The following PTPRD variants were observed in gnomAD, a reference collection of about 807,000 sequenced individuals.
PTPRD encodes the protein receptor-type tyrosine-protein phosphatase delta.
A neutral mutation model predicts 214.5 loss-of-function variants in PTPRD; 34 were observed. The ratio of observed to expected loss-of-function variants is 0.16; its 90% CI spans 0.12 to 0.21. The LOEUF is 0.21. Among genes scored for constraint, PTPRD ranks in the 10% least tolerant of loss-of-function variants. The pLI is 1.00. For missense variants in PTPRD, 2,545 were observed against 2,398.7 expected (o/e 1.06, Z -1.27); for synonymous variants, 1,128 against 845.7 (o/e 1.33, Z -5.79).
chr9:10,168,414 A>G (rs139036470), intron 3 of PTPRD, among the ~76,000 whole-genome samples: 7 of 152,310 alleles, frequency 4.6e-5, no homozygotes, highest in African/African-American at 1.7e-4. Context: ...CTGCAGCACA[A>G]TGATGTTTTC....
chr9:9,264,743 A>T (rs931708620), intron 9 of PTPRD, among the ~76,000 whole-genome samples: 3 of 151,666 alleles, frequency 2.0e-5, no homozygotes, highest in African/African-American at 7.3e-5. Context: ...ATTAAAATAA[A>T]ACTGTCAAAA....
intron 14 of PTPRD, among the ~76,000 whole-genome samples, chr9:8,556,021 C>A (rs190591444): frequency 1.3e-4 from 20 of 152,244 alleles, no homozygotes; most frequent in African/African-American, 4.8e-4. Context: ...CTTGGCGGAT[C>A]TGGAAAGAGC....
At chr9:8,563,028 A>T (rs897600677) in intron 14 of PTPRD, among the ~76,000 whole-genome samples, 1 of 152,182 alleles carries the variant, frequency 6.6e-6, no homozygotes, top group Non-Finnish European at 1.5e-5. Context: ...TGATATATCC[A>T]TGTAATGGAA....
intron 5 of PTPRD, among the ~76,000 whole-genome samples, chr9:9,772,358 C>T (rs2098758762): frequency 6.6e-6 from 1 of 152,146 alleles, no homozygotes; most frequent in African/African-American, 2.4e-5. Flanking sequence ...GGGTGTGGTA[C>T]TTTTCTATGG....
intron 2 of PTPRD, among the ~76,000 whole-genome samples, chr9:10,376,023 G>A (rs2097721496): frequency 6.6e-6 from 1 of 151,818 alleles, no homozygotes; most frequent in Non-Finnish European, 1.5e-5. Context: ...TTATTCACAC[G>A]ATATTTTTAT....
chr9:8,736,003 A>C (rs2090266247), intron 11 of PTPRD, among the ~76,000 whole-genome samples: 1 of 152,168 alleles, frequency 6.6e-6, no homozygotes, highest in African/African-American at 2.4e-5. Flanking sequence ...GCCTTTATTC[A>C]GCAAACTACA....
chr9:8,580,461 C>G (rs976619932), intron 14 of PTPRD, among the ~76,000 whole-genome samples: 22 of 152,114 alleles, frequency 1.4e-4, no homozygotes, highest in African/African-American at 5.1e-4. Context: ...TAAATATATG[C>G]TATATATGCT....
chr9:10,196,837 G>T (rs1214758510), intron 3 of PTPRD, among the ~76,000 whole-genome samples: 1 of 127,414 alleles, frequency 7.8e-6, no homozygotes, highest in African/African-American at 3.3e-5. Flanking sequence ...GAAGTGATTA[G>T]GCCACATGGG....
chr9:8,878,447 A>G (rs1247496667), intron 11 of PTPRD, among the ~76,000 whole-genome samples: 1 of 152,202 alleles, frequency 6.6e-6, no homozygotes, highest in East Asian at 1.9e-4. Flanking sequence ...AAGGGGTGGC[A>G]TATGCTTAAG....
chr9:10,314,986 G>A (rs566226822), intron 3 of PTPRD, among the ~76,000 whole-genome samples: 2 of 151,972 alleles, frequency 1.3e-5, no homozygotes, highest in African/African-American at 4.8e-5. Flanking sequence ...CTACTTCCTT[G>A]CCATTTAAGT....
intron 5 of PTPRD, among the ~76,000 whole-genome samples, chr9:9,772,676 GT>G (rs1320462266): frequency 5.3e-5 from 8 of 152,114 alleles, no homozygotes; most frequent in African/African-American, 1.9e-4. Flanking sequence ...GATGATATCT[GT>G]CTATATAAAG....
intron 13 of PTPRD, among the ~76,000 whole-genome samples, chr9:8,633,994 C>T (rs947649205): frequency 6.6e-6 from 1 of 151,970 alleles, no homozygotes; most frequent in African/African-American, 2.4e-5. Context: ...AACGAGACAG[C>T]TTTCACAACC....
intron 3 of PTPRD, among the ~76,000 whole-genome samples, chr9:10,094,326 A>T (rs1281979962): frequency 6.6e-6 from 1 of 151,180 alleles, no homozygotes; most frequent in African/African-American, 2.4e-5. Flanking sequence ...GAGTCACTGG[A>T]TGTTGAATGA....
intron 2 of PTPRD, among the ~76,000 whole-genome samples, chr9:10,517,990 T>A (rs906142634): frequency 5.3e-5 from 8 of 152,130 alleles, no homozygotes; most frequent in African/African-American, 1.9e-4. Context: ...ATATATTGAA[T>A]ATGAACATTA....
intron 14 of PTPRD, among the ~76,000 whole-genome samples, chr9:8,579,557 C>T (rs1243247201): frequency 2.6e-5 from 4 of 152,088 alleles, no homozygotes; most frequent in Non-Finnish European, 5.9e-5. Flanking sequence ...ATAAAAAACC[C>T]ACAGTGCCTG....
At chr9:10,457,235 T>A (rs192616240) in intron 2 of PTPRD, among the ~76,000 whole-genome samples, 19 of 152,086 alleles carry the variant, frequency 1.2e-4, no homozygotes, top group African/African-American at 4.1e-4. Context: ...TTAAACAATT[T>A]ATTTTTATAT....
At chr9:10,499,707 T>A (rs1007456127) in intron 2 of PTPRD, among the ~76,000 whole-genome samples, 1 of 151,860 alleles carries the variant, frequency 6.6e-6, no homozygotes, top group Non-Finnish European at 1.5e-5. Context: ...ATTTTCAAAC[T>A]AAATTTGTAG....
chr9:10,213,536 C>A (rs2099526571), intron 3 of PTPRD, among the ~76,000 whole-genome samples: 2 of 152,220 alleles, frequency 1.3e-5, no homozygotes, highest in East Asian at 3.9e-4. Flanking sequence ...GGAAATCCAC[C>A]TGCTAAGAGA....
intron 9 of PTPRD, among the ~76,000 whole-genome samples, chr9:9,261,233 A>T (rs2099979980): frequency 1.3e-5 from 2 of 151,884 alleles, no homozygotes; most frequent in African/African-American, 4.8e-5. Flanking sequence ...ATGCAAAATG[A>T]AGTGTCAACT....
Sources: allele counts gnomAD v4.1 joint callset (sites outside exome capture counted in the v4.1 genomes callset), GRCh38; gene constraint gnomAD v4.1.1; transcripts MANE v1.5; gene names NCBI Gene and HGNC (gene_info 2026-07-23, HGNC 2026-07-21).